Variants in EYS observed in about 807,000 individuals in gnomAD.
EYS encodes the protein EGF-like photoreceptor maintenance factor.
In EYS, 250 loss-of-function variants were observed where a neutral mutation model predicts 282.1. That is an observed-to-expected ratio of 0.89 (90% confidence interval 0.80 to 0.98). The LOEUF (loss-of-function observed/expected upper bound fraction) is 0.98, where lower values mean the gene tolerates loss of function less well. Among genes scored for constraint, EYS ranks in the 50% least tolerant of loss-of-function variants. The probability of loss-of-function intolerance (pLI) is 0.00; values close to 1 mark genes in which losing one functional copy is unlikely to be tolerated. For synonymous variants in EYS, 1,355 were observed against 1,282.9 expected, an observed-to-expected ratio of 1.06 and a Z score of -1.20; for missense variants, 4,016 against 3,709.0, an observed-to-expected ratio of 1.08 and a Z score of -2.15.
chr6:65,246,735 C>T (rs1374996538), intron 12 of EYS, among the ~76,000 whole-genome samples: 3 of 152,096 alleles, frequency 2.0e-5, no homozygotes, highest in Non-Finnish European at 4.4e-5. Context: ...TGCGTGCTCG[C>T]TCGCACTCTC....
intron 30 of EYS, among the ~76,000 whole-genome samples, chr6:64,275,075 T>C (rs988132022): frequency 5.9e-5 from 9 of 152,162 alleles, no homozygotes; most frequent in African/African-American, 1.9e-4. Flanking sequence ...GCCCTCCAAA[T>C]TGGTGACTGG....
At chr6:65,187,231 T>C (rs2150237239) in intron 12 of EYS, among the ~76,000 whole-genome samples, 1 of 151,900 alleles carries the variant, frequency 6.6e-6, no homozygotes, top group Non-Finnish European at 1.5e-5. Flanking sequence ...TTTTTGGTTT[T>C]ATATTTTGAG....
At chr6:64,372,849 C>A (rs538009038) in intron 29 of EYS, among the ~76,000 whole-genome samples, 1 of 152,096 alleles carries the variant, frequency 6.6e-6, no homozygotes, top group African/African-American at 2.4e-5. Context: ...AAAGTTTGGT[C>A]AATTCTGCTG....
chr6:64,891,133 T>A (rs1011636437), intron 18 of EYS, among the ~76,000 whole-genome samples: 1 of 151,770 alleles, frequency 6.6e-6, no homozygotes, highest in African/African-American at 2.4e-5. Context: ...ATTTGGACAT[T>A]TTCTGAATGG....
At chr6:65,684,895 C>T (rs1456861619) in intron 1 of EYS, among the ~76,000 whole-genome samples, 1 of 151,874 alleles carries the variant, frequency 6.6e-6, no homozygotes, top group Non-Finnish European at 1.5e-5. Flanking sequence ...CACCTCCCAT[C>T]CTCCACCCTC....
chr6:63,785,674 T>C (rs750341082), intron 39 of EYS, among the ~76,000 whole-genome samples: 1 of 152,172 alleles, frequency 6.6e-6, no homozygotes, highest in African/African-American at 2.4e-5. Flanking sequence ...AGGATTTATA[T>C]TTTAGATCAC....
At chr6:64,245,018 C>T (rs1455572478) in intron 30 of EYS, among the ~76,000 whole-genome samples, 2 of 143,506 alleles carry the variant, frequency 1.4e-5, no homozygotes, top group Admixed American at 7.3e-5. Flanking sequence ...TGATGTTACC[C>T]ACCCTGTGTC....
chr6:64,908,772 G>T (rs1327049526), intron 16 of EYS, among the ~76,000 whole-genome samples: 2 of 152,014 alleles, frequency 1.3e-5, no homozygotes, highest in Admixed American at 1.3e-4. Flanking sequence ...CTTGCTGATT[G>T]GTTTGTGAGT....
At chr6:64,972,409 ATG>A (rs1360200927) in intron 14 of EYS, among the ~76,000 whole-genome samples, 1 of 152,038 alleles carries the variant, frequency 6.6e-6, no homozygotes, top group African/African-American at 2.4e-5. Flanking sequence ...AAGTTACAGA[ATG>A]TGTCTCTCTC....
At chr6:64,218,066 C>T (rs1765987940) in intron 31 of EYS, among the ~76,000 whole-genome samples, 1 of 152,158 alleles carries the variant, frequency 6.6e-6, no homozygotes, top group Non-Finnish European at 1.5e-5. Flanking sequence ...AATCTCAGCA[C>T]ATAATGACTC....
chr6:65,591,370 G>GTA (rs1000284423), intron 2 of EYS, among the ~76,000 whole-genome samples: 9 of 151,870 alleles, frequency 5.9e-5, no homozygotes, highest in South Asian at 2.1e-4. Flanking sequence ...GTGTGTATGT[G>GTA]TATATATATG....
intron 17 of EYS, 58 bp downstream of exon 17, chr6:64,902,346 A>G: frequency 1.5e-6 from 2 of 1,321,302 alleles, no homozygotes; most frequent in Non-Finnish European, 2.1e-6. Context: ...AAAATTCTAT[A>G]CCTGTATACA....
chr6:64,884,701 A>C (rs1246480629), intron 19 of EYS, among the ~76,000 whole-genome samples: 4 of 151,684 alleles, frequency 2.6e-5, no homozygotes, highest in Non-Finnish European at 5.9e-5. Context: ...GTACAGAAAA[A>C]CAAATACATG....
chr6:64,844,508 A>C (rs1043439168), intron 19 of EYS, among the ~76,000 whole-genome samples: 1 of 152,096 alleles, frequency 6.6e-6, no homozygotes, highest in African/African-American at 2.4e-5. Context: ...TTTTCTGAGC[A>C]AGTAAATCTG....
chr6:64,861,673 T>C (rs965890218), intron 19 of EYS, among the ~76,000 whole-genome samples: 4 of 152,128 alleles, frequency 2.6e-5, no homozygotes, highest in Admixed American at 2.6e-4. Context: ...TAAATAAATT[T>C]TTTCAAAGGG....
Position 64,638,534 on chromosome 6 carries a change from T to A in EYS, c.3444-12289A>T, listed in dbSNP as rs1454292177. ...GTCTTAGTTCAGTCCATCTTTCATT[T>A]TCTTTTAATTTTTAACATGTGTCTT... On this transcript the variant is annotated intron_variant, in intron 22 of 42. Coordinates refer to ENST00000503581, the MANE Select transcript of EYS (RefSeq NM_001142800.2). Among the ~76,000 whole-genome samples the A allele has an allele frequency of 6.5e-5, 6 of 91,762 alleles. 3 individuals carry two copies. Among genetic ancestry groups the A allele is most frequent in the Non-Finnish European group, 1.4e-4 (6 of 42,394 alleles). 60.2% of individuals were successfully genotyped at this position (91,762 alleles called of 152,430 possible).
intron 2 of EYS, among the ~76,000 whole-genome samples, chr6:65,606,898 A>G (rs796372107): frequency 5.3e-5 from 8 of 150,748 alleles, no homozygotes; most frequent in African/African-American, 1.9e-4. Context: ...TTTTTTTGCA[A>G]TTTTGAATTT....
At chr6:64,268,109 A>G (rs1183402450) in intron 30 of EYS, among the ~76,000 whole-genome samples, 4 of 152,120 alleles carry the variant, frequency 2.6e-5, no homozygotes, top group African/African-American at 9.7e-5. Context: ...CACAACTGCA[A>G]CCAACAAATC....
At chr6:64,921,507 C>T (rs1255336234) in intron 15 of EYS, among the ~76,000 whole-genome samples, 1 of 152,120 alleles carries the variant, frequency 6.6e-6, no homozygotes, top group Non-Finnish European at 1.5e-5. Flanking sequence ...ACCTGTCTCA[C>T]AGGGGTTATG....
Sources: allele counts gnomAD v4.1 joint callset (sites outside exome capture counted in the v4.1 genomes callset), GRCh38; gene constraint gnomAD v4.1.1; transcripts MANE v1.5; gene names NCBI Gene and HGNC (gene_info 2026-07-23, HGNC 2026-07-21).